HUNK: variants seen among roughly 807,000 people sequenced by gnomAD.
HUNK encodes hormonally up-regulated Neu-associated kinase, also known as hormonally up-regulated neu tumor-associated kinase.
HUNK carries 21 observed loss-of-function variants against 61.0 expected under a neutral mutation model. That is an observed-to-expected ratio of 0.34 (90% confidence interval 0.24 to 0.50). The LOEUF is 0.50. HUNK is among the 20% of genes least tolerant of loss of function. The pLI is 0.98. For synonymous variants in HUNK, 371 were observed against 386.1 expected, an observed-to-expected ratio of 0.96 and a Z score of 0.46; for missense variants, 772 against 945.7, an observed-to-expected ratio of 0.82 and a Z score of 2.41.
chr21:31,963,320 C>T (rs936708491), intron 5 of HUNK, among the ~76,000 whole-genome samples: 1 of 152,118 alleles, frequency 6.6e-6, no homozygotes. Flanking sequence ...TGTTATTTCA[C>T]TCTTCTCTGA....
intron 5 of HUNK, among the ~76,000 whole-genome samples, chr21:31,959,356 C>T (rs566387854): frequency 8.5e-5 from 13 of 152,324 alleles, no homozygotes; most frequent in African/African-American, 1.7e-4. Flanking sequence ...TCCAATATGG[C>T]TTCTTTCTGC....
At chr21:31,874,377 G>C (rs2052243311) in intron 1 of HUNK, among the ~76,000 whole-genome samples, 1 of 151,920 alleles carries the variant, frequency 6.6e-6, no homozygotes. Flanking sequence ...TCTGGGGGGA[G>C]CTTAGAGTCT....
At chr21:31,906,629 CA>C (rs2052507403) in intron 1 of HUNK, among the ~76,000 whole-genome samples, 1 of 151,998 alleles carries the variant, frequency 6.6e-6, no homozygotes, top group African/African-American at 2.4e-5. Context: ...GGAGCTTCAC[CA>C]TGTTGCCCAG....
chr21:31,886,821 T>G (rs1446732800), intron 1 of HUNK, among the ~76,000 whole-genome samples: 1 of 152,144 alleles, frequency 6.6e-6, no homozygotes, highest in African/African-American at 2.4e-5. Context: ...AATTTTTGTA[T>G]TTTTAGTAGA....
At chr21:31,916,081 C>T (rs1421689125) in intron 1 of HUNK, among the ~76,000 whole-genome samples, 1 of 109,444 alleles carries the variant, frequency 9.1e-6, no homozygotes, top group Non-Finnish European at 1.7e-5. Context: ...GACGGAGTCT[C>T]GCTCTGTCGC....
intron 2 of HUNK, among the ~76,000 whole-genome samples, chr21:31,935,712 G>A (rs918796526): frequency 3.9e-5 from 6 of 152,070 alleles, no homozygotes; most frequent in Admixed American, 2.0e-4. Context: ...TGCATTTGAC[G>A]TTCCTCCATG....
chr21:31,945,383 C>T (rs951724074), intron 3 of HUNK, among the ~76,000 whole-genome samples: 1 of 152,116 alleles, frequency 6.6e-6, no homozygotes, highest in Non-Finnish European at 1.5e-5. Context: ...GCCATGAGGT[C>T]GCTTAGTCTA....
In HUNK at chr21:31,983,520, T is replaced by C. The variant is rs765719529; in HGVS notation, c.1174-6T>C. ...GAGCTGTGCTTTTTCTTTTCTCCTC[T>C]GGTAGAAATCTGACATCCAGGACAG... On this transcript the variant is annotated splice_polypyrimidine_tract_variant and splice_region_variant and intron_variant, in intron 7 of 10. Transcript: ENST00000270112. 1.9e-6 allele frequency: 3 copies of C among 1,610,962 alleles called. No individual in the cohort carries two copies. In the Admixed American group the frequency reaches 5.0e-5, roughly 27 times the overall value.
At chr21:31,965,183 AAACT>A (rs2052955071) in intron 5 of HUNK, among the ~76,000 whole-genome samples, 2 of 152,176 alleles carry the variant, frequency 1.3e-5, no homozygotes, top group African/African-American at 2.4e-5. Context: ...CATCCTTAGC[AAACT>A]AACACGGGAA....
chr21:31,971,978 C>A (rs911264984), intron 6 of HUNK, among the ~76,000 whole-genome samples: 14 of 152,218 alleles, frequency 9.2e-5, no homozygotes, highest in African/African-American at 3.1e-4. Context: ...CAGGCATGTG[C>A]TACCATCGCC....
intron 1 of HUNK, among the ~76,000 whole-genome samples, chr21:31,918,995 ACTG>A (rs1568925105): frequency 2.5e-4 from 37 of 147,422 alleles, no homozygotes; most frequent in African/African-American, 8.3e-4. Context: ...GAGGGGCTGG[ACTG>A]AGCGGTATGA....
At chr21:31,915,094 A>G (rs1456231729) in intron 1 of HUNK, among the ~76,000 whole-genome samples, 1 of 150,134 alleles carries the variant, frequency 6.7e-6, no homozygotes, top group East Asian at 2.0e-4. Context: ...TATCCAGTGG[A>G]GCACCCTTCA....
intron 1 of HUNK, among the ~76,000 whole-genome samples, chr21:31,921,746 T>C (rs1380759558): frequency 6.6e-6 from 1 of 152,232 alleles, no homozygotes; most frequent in Non-Finnish European, 1.5e-5. Flanking sequence ...GGCCAGACTT[T>C]TATTGATTCG....
chr21:31,939,028 T>C (rs1249038231), intron 2 of HUNK, among the ~76,000 whole-genome samples: 1 of 152,144 alleles, frequency 6.6e-6, no homozygotes, highest in Non-Finnish European at 1.5e-5. Flanking sequence ...GTAGACATGT[T>C]TCCTGCCTTC....
At chr21:31,953,391 A>T (rs2052865950) in intron 4 of HUNK, among the ~76,000 whole-genome samples, 1 of 152,086 alleles carries the variant, frequency 6.6e-6, no homozygotes, top group African/African-American at 2.4e-5. Flanking sequence ...TGCACCGCCA[A>T]GCCCAGCTCA....
intron 6 of HUNK, among the ~76,000 whole-genome samples, chr21:31,969,591 A>G (rs963504): frequency 0.74 from 111,450 of 149,718 alleles, 42,772 homozygotes; most frequent in African/African-American, 0.94. Context: ...TTTTGAGACA[A>G]AACCTTACTC....
chr21:31,911,994 A>G (rs1471969786), intron 1 of HUNK, among the ~76,000 whole-genome samples: 1 of 152,158 alleles, frequency 6.6e-6, no homozygotes. Context: ...ACTTTCCCAG[A>G]GCTGCTCGGT....
chr21:31,989,346 A>G (rs2053155389), intron 8 of HUNK, among the ~76,000 whole-genome samples: 1 of 152,228 alleles, frequency 6.6e-6, no homozygotes, highest in African/African-American at 2.4e-5. Context: ...TTTGTGTCTT[A>G]TTTCAAAATC....
chr21:31,890,822 G>A (rs1209161922), intron 1 of HUNK, among the ~76,000 whole-genome samples: 1 of 152,062 alleles, frequency 6.6e-6, no homozygotes, highest in Non-Finnish European at 1.5e-5. Context: ...TGATAATTAG[G>A]CTAATCATAA....
Sources: gnomAD v4.1 joint callset for allele counts (sites outside exome capture counted in the v4.1 genomes callset) on GRCh38, gnomAD v4.1.1 for gene constraint, MANE v1.5 for transcripts, NCBI Gene and HGNC (gene_info 2026-07-23, HGNC 2026-07-21) for gene names.